The following NBPF11 variants were observed in gnomAD, a reference collection of about 807,000 sequenced individuals.
NBPF11 encodes NBPF family member NBPF11.
NBPF11 carries 72 observed loss-of-function variants against 93.9 expected under a neutral mutation model. That is an observed-to-expected ratio of 0.77 (90% CI 0.63 to 0.93). The LOEUF (loss-of-function observed/expected upper bound fraction) is 0.93. NBPF11 is among the 40% of genes least tolerant of loss of function. The probability of loss-of-function intolerance (pLI) is 0.00; values close to 1 mark genes in which losing one functional copy is unlikely to be tolerated. For missense variants in NBPF11, 705 were observed against 802.2 expected, an observed-to-expected ratio of 0.88 and a Z score of 1.46; for synonymous variants, 224 against 304.9, an observed-to-expected ratio of 0.73 and a Z score of 2.76.
At chr1:148,145,060 G>A (rs1380376486) in intron 1 of NBPF11, among the ~76,000 whole-genome samples, 4 of 148,274 alleles carry the variant, frequency 2.7e-5, no homozygotes, top group South Asian at 4.3e-4. Context: ...CTGAGATTAT[G>A]CCAACACACT....
At chr1:148,144,644 G>A (rs1185821026) in intron 1 of NBPF11, among the ~76,000 whole-genome samples, 1 of 151,848 alleles carries the variant, frequency 6.6e-6, no homozygotes, top group Non-Finnish European at 1.5e-5. Flanking sequence ...AGAGATTTTA[G>A]TACCTGTTTT....
chr1:148,146,837 C>A, intron 1 of NBPF11: 1 of 1,613,838 alleles, frequency 6.2e-7, no homozygotes, highest in Non-Finnish European at 8.5e-7. Context: ...TACGACTCCT[C>A]CGGCTACGGT....
chr1:148,150,468 G>C, intron 1 of NBPF11, among the ~76,000 whole-genome samples: 1 of 149,856 alleles, frequency 6.7e-6, no homozygotes, highest in Non-Finnish European at 1.5e-5. Context: ...AGATTTCTTT[G>C]ACACAAAGTT....
At chr1:148,120,164 T>A (rs1667493246) in intron 10 of NBPF11, among the ~76,000 whole-genome samples, 1 of 151,972 alleles carries the variant, frequency 6.6e-6, no homozygotes, top group Non-Finnish European at 1.5e-5. Flanking sequence ...ACAGACTAGA[T>A]GTTATTTGTC....
At chr1:148,118,482 T>C in intron 11 of NBPF11, 138 bp downstream of exon 11, 6 of 739,968 alleles carry the variant, frequency 8.1e-6, no homozygotes, top group Admixed American at 2.0e-5. Context: ...TTGATAAATA[T>C]TTGTGTGTAG....
At chr1:148,138,093 A>C (rs1440062398) in intron 2 of NBPF11, among the ~76,000 whole-genome samples, 5 of 150,736 alleles carry the variant, frequency 3.3e-5, no homozygotes, top group East Asian at 2.0e-4. Context: ...GCAGGTAAAC[A>C]CGTGAACAAA....
chr1:148,103,954 C>A, intron 23 of NBPF11, 42 bp from the exon 24 acceptor site: 1 of 1,610,274 alleles, frequency 6.2e-7, no homozygotes, highest in Non-Finnish European at 8.5e-7. Flanking sequence ...CAGGGAAAAT[C>A]AGACACCACA....
At chr1:148,149,181 G>C (rs1647570803) in intron 1 of NBPF11, 1 of 1,588,604 alleles carries the variant, frequency 6.3e-7, no homozygotes, top group African/African-American at 1.4e-5. Context: ...AGCCCGGACA[G>C]CATCATCCTG....
At chr1:148,127,208 G>A (rs1669317079) in intron 4 of NBPF11, 170 bp from the exon 5 acceptor site, 6 of 291,464 alleles carry the variant, frequency 2.1e-5, no homozygotes, top group Non-Finnish European at 2.9e-5. Flanking sequence ...AAGGTTCGAG[G>A]TGCCTCAACT....
At chr1:148,149,137 C>A in intron 1 of NBPF11, 1 of 1,583,500 alleles carries the variant, frequency 6.3e-7, no homozygotes, top group South Asian at 1.1e-5. Flanking sequence ...GAGGCCGCGG[C>A]TGACCCTGCT....
intron 20 of NBPF11, among the ~76,000 whole-genome samples, chr1:148,106,520 G>A (rs1439906781): frequency 7.2e-6 from 1 of 138,498 alleles, no homozygotes; most frequent in Admixed American, 7.1e-5. Flanking sequence ...CAAAGAAAAT[G>A]CCCCAGAGGA....
rs1302222162 is a variant in NBPF11, at chr1:148,140,169, T to C, written c.-276-2360A>G. On this transcript the variant is annotated intron_variant, in intron 2 of 23. Transcript: ENST00000682118. ...ATCTTCCATGGAGGTTTAGAGACAA[T>C]TTAAAACAGCAAAGATAGCCTTTCC... Among the ~76,000 whole-genome samples the C allele has an allele frequency of 3.9e-5, 6 of 151,940 alleles. No individual in the cohort carries two copies. In the South Asian group the frequency reaches 1.0e-3, roughly 26 times the overall value.
At position 148,108,642 on chromosome 1, in the gene NBPF11, C is replaced by T. The variant is rs1233378119; in HGVS notation, c.1866G>A (p.Glu622=). 44 of 1,156,084 alleles carry T rather than the reference C, an allele frequency of 3.8e-5. 1 individual carries two copies. Among genetic ancestry groups the T allele is most frequent in the Admixed American group, 2.0e-4 (12 of 59,330 alleles). 71.6% of individuals were successfully genotyped at this position (1,156,084 alleles called of 1,614,324 possible). ...CTTCAGGCTCTTTCTCATCCAGCAG[C>T]TCCCTGCTGAGCCTGGAAAAGTGGG... is the stretch of plus-strand genomic sequence containing the variant. ...QEATGPRLSR[E]LLDEKEPEVL... Residue 622 remains glutamate (E), a synonymous_variant, in exon 18 of 24, where the codon GAG becomes GAA. Coordinates refer to ENST00000682118, the MANE Select transcript of NBPF11 (RefSeq NM_001385469.3).
intron 3 of NBPF11, among the ~76,000 whole-genome samples, chr1:148,136,539 G>A (rs1309937838): frequency 6.6e-6 from 1 of 151,324 alleles, no homozygotes; most frequent in Non-Finnish European, 1.5e-5. Context: ...AAATAATAAT[G>A]GTTTCAAGAA....
rs1267181752 is a variant in NBPF11 at position 148,146,343 on chromosome 1, C to A, written c.-548-2657G>T. On this transcript the variant is annotated intron_variant, in intron 1 of 23. Coordinates refer to ENST00000682118, the MANE Select transcript of NBPF11 (RefSeq NM_001385469.3). The stretch of plus-strand genomic sequence containing the variant: ...CCCTCCCCTGCCGGGCCAGGCCGGG[C>A]GGCGTTGTTGGCGGGGGCCCCGGTG... 5.5e-6 allele frequency: 8 copies of A among 1,442,526 alleles called. No homozygotes were observed. The East Asian group carries it at 1.4e-4, about 25-fold the overall frequency. The allele number at this position is 1,442,526 out of a possible 1,614,324, so 89.4% of individuals were successfully genotyped here. A position where few individuals can be genotyped will look rare whatever the true frequency, so the allele number is the denominator to read the frequency against.
At chr1:148,124,715 C>T (rs1280234765) in intron 6 of NBPF11, among the ~76,000 whole-genome samples, 184 bp downstream of exon 6, 1 of 152,096 alleles carries the variant, frequency 6.6e-6, no homozygotes, top group Non-Finnish European at 1.5e-5. Context: ...CTCTAAGAAA[C>T]AACTGCAACA....
chr1:148,114,369 A>T (rs1410702976), intron 15 of NBPF11, 68 bp downstream of exon 15: 25 of 572,068 alleles, frequency 4.4e-5, no homozygotes, highest in Non-Finnish European at 7.2e-5. Flanking sequence ...TCACTTCCTC[A>T]TTTTCCCTAA....
intron 20 of NBPF11, 66 bp from the exon 21 acceptor site, chr1:148,106,298 G>C (rs1414018519): frequency 1.4e-4 from 91 of 646,608 alleles, no homozygotes; most frequent in Non-Finnish European, 2.1e-4. Flanking sequence ...ACAGTCCACT[G>C]TCTAATCCCC....
chr1:148,127,783 C>G (rs1161529366), intron 4 of NBPF11, among the ~76,000 whole-genome samples: 74 of 148,564 alleles, frequency 5.0e-4, no homozygotes, highest in African/African-American at 1.8e-3. Flanking sequence ...GCTGGGAATA[C>G]AGGCGCCCGC....
Sources: gnomAD v4.1 joint callset for allele counts (sites outside exome capture counted in the v4.1 genomes callset) on GRCh38, gnomAD v4.1.1 for gene constraint, MANE v1.5 for transcripts, NCBI Gene and HGNC (gene_info 2026-07-23, HGNC 2026-07-21) for gene names.